Variants in ROBO2 observed in about 807,000 individuals in gnomAD.
ROBO2 encodes roundabout guidance receptor 2.
Under a neutral mutation model 160.8 loss-of-function variants are expected in ROBO2, and 53 were observed. That is an observed-to-expected ratio of 0.33 (90% CI 0.26 to 0.41). ROBO2 has a LOEUF of 0.41. Ranked by LOEUF, ROBO2 falls within the 10% of genes least tolerant of loss-of-function variation. The pLI, the probability that ROBO2 is intolerant of heterozygous loss-of-function variation, is 1.00. For synonymous variants in ROBO2, 664 were observed against 611.7 expected, an observed-to-expected ratio of 1.09 and a Z score of -1.26; for missense variants, 1,577 against 1,722.4, an observed-to-expected ratio of 0.92 and a Z score of 1.49.
chr3:76,079,294 G>A (rs2068740819), intron 2 of ROBO2, among the ~76,000 whole-genome samples: 2 of 152,054 alleles, frequency 1.3e-5, no homozygotes, highest in African/African-American at 2.4e-5. Context: ...CTAGAAGAGT[G>A]AAGTTGGAAT....
intron 2 of ROBO2, among the ~76,000 whole-genome samples, chr3:76,443,436 G>C (rs1000112027): frequency 1.3e-5 from 2 of 152,028 alleles, no homozygotes; most frequent in Non-Finnish European, 2.9e-5. Context: ...AGTATACGTA[G>C]GGACTATTTT....
At chr3:77,417,757 A>G (rs948769933) in intron 2 of ROBO2, among the ~76,000 whole-genome samples, 1 of 152,092 alleles carries the variant, frequency 6.6e-6, no homozygotes, top group African/African-American at 2.4e-5. Context: ...GTACTCAGCA[A>G]TGTTATCAAT....
chr3:76,291,192 G>A (rs1708785478), intron 2 of ROBO2, among the ~76,000 whole-genome samples: 1 of 152,044 alleles, frequency 6.6e-6, no homozygotes. Context: ...CTGGTTTGTA[G>A]GCTTTTTATT....
At chr3:76,456,516 C>T (rs2077763315) in intron 2 of ROBO2, among the ~76,000 whole-genome samples, 2 of 152,124 alleles carry the variant, frequency 1.3e-5, no homozygotes, top group Admixed American at 6.5e-5. Flanking sequence ...TGACTCAGAC[C>T]TTGGACCAGG....
intron 1 of ROBO2, among the ~76,000 whole-genome samples, chr3:75,926,389 A>G (rs148837211): frequency 1.7e-3 from 263 of 152,268 alleles, no homozygotes; most frequent in Admixed American, 4.8e-3. Context: ...TGATCCTTAT[A>G]GCAAATATTA....
At chr3:77,032,929 T>C (rs2063410484) in intron 2 of ROBO2, among the ~76,000 whole-genome samples, 1 of 152,126 alleles carries the variant, frequency 6.6e-6, no homozygotes, top group Admixed American at 6.5e-5. Context: ...GGGAATTCTG[T>C]GTGGAAGAAA....
At chr3:77,144,710 A>T (rs1270476955) in intron 2 of ROBO2, among the ~76,000 whole-genome samples, 2 of 152,216 alleles carry the variant, frequency 1.3e-5, no homozygotes, top group African/African-American at 4.8e-5. Flanking sequence ...ATGTAAAGTT[A>T]GTCACTAATT....
chr3:76,186,266 A>G (rs1451009830), intron 2 of ROBO2, among the ~76,000 whole-genome samples: 1 of 152,030 alleles, frequency 6.6e-6, no homozygotes, highest in African/African-American at 2.4e-5. Flanking sequence ...ATCATAGTGC[A>G]TTTAAGTGGC....
intron 2 of ROBO2, among the ~76,000 whole-genome samples, chr3:76,959,794 T>C (rs957745721): frequency 3.9e-5 from 6 of 152,150 alleles, no homozygotes; most frequent in Non-Finnish European, 8.8e-5. Context: ...TTTGAATTAT[T>C]TGAAGTTGAC....
intron 2 of ROBO2, among the ~76,000 whole-genome samples, chr3:76,057,877 A>G (rs554416715): frequency 3.3e-5 from 5 of 152,228 alleles, no homozygotes; most frequent in Admixed American, 6.5e-5. Flanking sequence ...GTTTTTGTTT[A>G]GCTGTGTTTG....
At chr3:77,562,546 T>C in intron 9 of ROBO2, 105 bp from the exon 11 acceptor site, 1 of 761,816 alleles carries the variant, frequency 1.3e-6, no homozygotes, top group Non-Finnish European at 2.3e-6. Context: ...GACAACAAAA[T>C]GATACATCTA....
intron 2 of ROBO2, among the ~76,000 whole-genome samples, chr3:76,888,390 G>A (rs1412539190): frequency 2.5e-3 from 376 of 152,178 alleles, no homozygotes; most frequent in African/African-American, 8.7e-3. Context: ...AAACAAAAGA[G>A]AATCTAGTTA....
intron 2 of ROBO2, among the ~76,000 whole-genome samples, chr3:76,175,847 T>C (rs994242484): frequency 2.0e-5 from 3 of 152,184 alleles, no homozygotes; most frequent in Non-Finnish European, 4.4e-5. Context: ...TTTTCCCTCC[T>C]GGATGAATAT....
At chr3:76,442,086 G>T (rs1315803541) in intron 2 of ROBO2, among the ~76,000 whole-genome samples, 1 of 152,150 alleles carries the variant, frequency 6.6e-6, no homozygotes, top group African/African-American at 2.4e-5. Flanking sequence ...TTTTCTCACA[G>T]GGCAGAAGAA....
chr3:76,567,763 CTGTGTGTGTGTGTG>C (rs71101900), intron 2 of ROBO2, among the ~76,000 whole-genome samples: 25 of 88,358 alleles, frequency 2.8e-4, no homozygotes, highest in African/African-American at 3.6e-4. Flanking sequence ...ATATATCTGT[CTGTGTGTGTGTGTG>C]TGTGTGTGTG....
At chr3:77,502,217 A>AT (rs930515083) in intron 5 of ROBO2, among the ~76,000 whole-genome samples, 30 of 152,088 alleles carry the variant, frequency 2.0e-4, no homozygotes, top group African/African-American at 6.8e-4. Context: ...ACTTTTCTTC[A>AT]TTTTTTATTT....
At chr3:77,358,785 G>A (rs1462026413) in intron 2 of ROBO2, among the ~76,000 whole-genome samples, 1 of 152,036 alleles carries the variant, frequency 6.6e-6, no homozygotes, top group Admixed American at 6.6e-5. Context: ...AGAAACCAGT[G>A]GAAGAAAACT....
chr3:77,573,628 T>G lies in ROBO2; in HGVS notation c.1972-871T>G, dbSNP rs375744043. 9.2e-5 allele frequency among the ~76,000 whole-genome samples: 14 copies of G among 152,050 alleles called. No homozygotes were observed. In the East Asian group the frequency reaches 1.2e-3, roughly 13 times the overall value. ...GCTTTTAAAACAAATGCTCTAGCTC[T>G]ACAACTTTAATCTGTATTATATGCT... is the stretch of plus-strand genomic sequence containing the variant. On this transcript the variant is annotated intron_variant, in intron 13 of 25. Coordinates refer to ENST00000461745, the Ensembl canonical transcript of ROBO2.
At chr3:76,373,121 T>G (rs1252632459) in intron 2 of ROBO2, among the ~76,000 whole-genome samples, 1 of 152,020 alleles carries the variant, frequency 6.6e-6, no homozygotes, top group East Asian at 1.9e-4. Flanking sequence ...TTTCATTCCA[T>G]GGAACTAGAG....
Sources: gnomAD v4.1 joint callset for allele counts (sites outside exome capture counted in the v4.1 genomes callset) on GRCh38, gnomAD v4.1.1 for gene constraint, MANE v1.5 for transcripts, NCBI Gene and HGNC (gene_info 2026-07-23, HGNC 2026-07-21) for gene names.